VPS41: variants seen among roughly 807,000 people sequenced by gnomAD.
VPS41 encodes VPS41 subunit of HOPS complex.
In VPS41, 85 loss-of-function variants were observed where a neutral mutation model predicts 130.9. That is an observed-to-expected ratio of 0.65 (90% confidence interval 0.55 to 0.78). The LOEUF (loss-of-function observed/expected upper bound fraction) is 0.78, where lower values mean the gene tolerates loss of function less well. Among genes scored for constraint, VPS41 ranks in the 30% least tolerant of loss-of-function variants. The pLI is 0.00. For synonymous variants in VPS41, 335 were observed against 332.9 expected, an observed-to-expected ratio of 1.01 and a Z score of -0.07; for missense variants, 874 against 1,018.7, an observed-to-expected ratio of 0.86 and a Z score of 1.93.
intron 7 of VPS41, among the ~76,000 whole-genome samples, chr7:38,811,186 ATC>A (rs142150969): frequency 1.5e-3 from 223 of 152,230 alleles, no homozygotes; most frequent in African/African-American, 5.2e-3. Flanking sequence ...AACTAAATAA[ATC>A]TATTTCAAAA....
chr7:38,785,818 A>G (rs1038932260), intron 10 of VPS41, among the ~76,000 whole-genome samples: 2 of 152,164 alleles, frequency 1.3e-5, no homozygotes, highest in Non-Finnish European at 2.9e-5. Context: ...AAACAATTCC[A>G]AAGGTCACCC....
At chr7:38,855,137 G>T (rs1440641053) in intron 4 of VPS41, among the ~76,000 whole-genome samples, 2 of 151,268 alleles carry the variant, frequency 1.3e-5, no homozygotes, top group Non-Finnish European at 2.9e-5. Flanking sequence ...TTGAACCTGG[G>T]CGGCGGAGGT....
intron 25 of VPS41, among the ~76,000 whole-genome samples, chr7:38,738,448 A>T (rs114544008): frequency 1.3e-5 from 2 of 152,208 alleles, no homozygotes; most frequent in Non-Finnish European, 2.9e-5. Flanking sequence ...ATGTTTGTCA[A>T]ATAAAACCGT....
intron 5 of VPS41, among the ~76,000 whole-genome samples, chr7:38,829,521 A>G (rs1174158750): frequency 2.0e-5 from 3 of 152,224 alleles, no homozygotes; most frequent in South Asian, 2.1e-4. Context: ...TACACTGTGC[A>G]TTAGGATTTT....
chr7:38,858,452 C>T (rs923051108), intron 4 of VPS41, among the ~76,000 whole-genome samples: 12 of 152,038 alleles, frequency 7.9e-5, no homozygotes, highest in African/African-American at 2.9e-4. Context: ...TGTCTGACTC[C>T]CCCTTCCCGT....
chr7:38,862,081 C>A (rs894591021), intron 4 of VPS41, among the ~76,000 whole-genome samples: 3 of 152,168 alleles, frequency 2.0e-5, no homozygotes, highest in African/African-American at 7.2e-5. Context: ...GGAGTTCATA[C>A]TTTAAGGATT....
At chr7:38,762,687 C>T (rs930576266) in intron 17 of VPS41, among the ~76,000 whole-genome samples, 3 of 152,078 alleles carry the variant, frequency 2.0e-5, no homozygotes, top group African/African-American at 7.2e-5. Context: ...AGCTATTTGA[C>T]TGATAATGTG....
At chr7:38,839,931 A>G (rs753677345) in intron 4 of VPS41, among the ~76,000 whole-genome samples, 3 of 152,156 alleles carry the variant, frequency 2.0e-5, no homozygotes, top group Non-Finnish European at 4.4e-5. Context: ...GGTTCAGTAA[A>G]TGCAAAAGGG....
chr7:38,831,967 T>C (rs1195278404), intron 4 of VPS41, among the ~76,000 whole-genome samples: 1 of 152,198 alleles, frequency 6.6e-6, no homozygotes, highest in African/African-American at 2.4e-5. Flanking sequence ...TAATCCTTTT[T>C]CCCACGTACC....
At chr7:38,754,391 T>C (rs1392929126) in intron 21 of VPS41, among the ~76,000 whole-genome samples, 1 of 152,194 alleles carries the variant, frequency 6.6e-6, no homozygotes, top group Non-Finnish European at 1.5e-5. Context: ...ACATTCATTA[T>C]AGTTAAATAT....
At position 38,789,723 on chromosome 7, in the gene VPS41, C is replaced by T. The variant is rs1023210598; in HGVS notation, c.784+78G>A. ...CAGGGATCCAGGCAAAAGACTATGG[C>T]AGTCTGGGTGAGATTAATGAAGACG... On this transcript the variant is annotated intron_variant, in intron 10 of 28. Transcript: ENST00000310301. The T allele has an allele frequency of 3.6e-5, 51 of 1,410,966 alleles. No individual in the cohort carries two copies. In the Middle Eastern group the frequency reaches 5.3e-4, roughly 15 times the overall value. The allele number at this position is 1,410,966 out of a possible 1,614,324, so 87.4% of individuals were successfully genotyped here.
chr7:38,906,898 A>T (rs1787280112), intron 1 of VPS41, among the ~76,000 whole-genome samples: 1 of 152,224 alleles, frequency 6.6e-6, no homozygotes, highest in Middle Eastern at 3.2e-3. Context: ...TTATAGATAT[A>T]AGCCTGAGCA....
intron 4 of VPS41, among the ~76,000 whole-genome samples, chr7:38,839,750 C>G (rs1562605487): frequency 1.3e-5 from 2 of 152,128 alleles, no homozygotes; most frequent in Non-Finnish European, 2.9e-5. Context: ...TTCTGCCCGG[C>G]CAGAACAGTA....
intron 7 of VPS41, among the ~76,000 whole-genome samples, chr7:38,798,797 C>A (rs1784670055): frequency 6.6e-6 from 1 of 152,082 alleles, no homozygotes; most frequent in African/African-American, 2.4e-5. Flanking sequence ...CAATTCCCAC[C>A]TAGAAATGAC....
At chr7:38,862,928 AGCG>A (rs1423000380) in intron 3 of VPS41, among the ~76,000 whole-genome samples, 1 of 152,234 alleles carries the variant, frequency 6.6e-6, no homozygotes, top group Non-Finnish European at 1.5e-5. Flanking sequence ...AATTAAATGC[AGCG>A]GTGAAAACAC....
chr7:38,865,221 C>T (rs1374444836), intron 3 of VPS41, among the ~76,000 whole-genome samples: 1 of 152,152 alleles, frequency 6.6e-6, no homozygotes, highest in African/African-American at 2.4e-5. Flanking sequence ...GAATTAAAAG[C>T]TAAAACACTC....
intron 18 of VPS41, 90 bp downstream of exon 18, chr7:38,758,264 T>C: frequency 8.2e-7 from 1 of 1,220,844 alleles, no homozygotes. Context: ...ATAAAATACA[T>C]CTTCTCCACT....
At chr7:38,807,283 G>A (rs556887076) in intron 7 of VPS41, among the ~76,000 whole-genome samples, 4 of 152,294 alleles carry the variant, frequency 2.6e-5, no homozygotes, top group African/African-American at 4.8e-5. Flanking sequence ...ATCTTTGGCC[G>A]CAGGGCACTG....
rs192622776 is a variant in VPS41 at position 38,767,869 on chromosome 7, C to G, written c.1186-271G>C. Among the ~76,000 whole-genome samples the G allele has an allele frequency of 4.5e-4, 69 of 151,806 alleles. No homozygotes were observed. In the East Asian group the frequency reaches 0.012, roughly 27 times the overall value. ...GTATTTTAAAGGCTCCTAATCTGCC[C>G]CCTTTAAGACATTTTTTCATAAAGG... is the stretch of plus-strand genomic sequence containing the variant. On this transcript the variant is annotated intron_variant, in intron 14 of 28. Coordinates refer to ENST00000310301, the MANE Select transcript of VPS41 (RefSeq NM_014396.4).
Sources: gnomAD v4.1 joint callset for allele counts (sites outside exome capture counted in the v4.1 genomes callset) on GRCh38, gnomAD v4.1.1 for gene constraint, MANE v1.5 for transcripts, NCBI Gene and HGNC (gene_info 2026-07-23, HGNC 2026-07-21) for gene names.